MICAL3: variants seen among roughly 807,000 people sequenced by gnomAD.
The protein encoded by MICAL3 is microtubule associated monooxygenase, calponin and LIM domain containing 3, also known as [F-actin]-monooxygenase MICAL3.
Under a neutral mutation model 207.4 loss-of-function variants are expected in MICAL3, and 62 were observed. The ratio of observed to expected loss-of-function variants is 0.30; its 90% CI spans 0.24 to 0.37. MICAL3 has a LOEUF of 0.37. Ranked by LOEUF, MICAL3 falls within the 10% of genes least tolerant of loss-of-function variation. The pLI, the probability that MICAL3 is intolerant of heterozygous loss-of-function variation, is 1.00. For missense variants in MICAL3, 2,368 were observed against 2,635.6 expected, an observed-to-expected ratio of 0.90 and a Z score of 2.22; for synonymous variants, 1,077 against 1,069.3, an observed-to-expected ratio of 1.01 and a Z score of -0.14.
intron 23 of MICAL3, 103 bp downstream of exon 23, chr22:17,822,843 AG>A: frequency 1.5e-6 from 1 of 663,898 alleles, no homozygotes; most frequent in Non-Finnish European, 2.6e-6. Flanking sequence ...AGAAGGAACC[AG>A]GAGGCCCAAC....
At chr22:17,945,407 A>G (rs574007169) in intron 1 of MICAL3, among the ~76,000 whole-genome samples, 52 of 152,296 alleles carry the variant, frequency 3.4e-4, no homozygotes, top group African/African-American at 1.2e-3. Flanking sequence ...CGCGCTGCCA[A>G]CATCCGCTGT....
At chr22:17,857,210 G>A (rs955496189) in intron 19 of MICAL3, among the ~76,000 whole-genome samples, 2 of 152,186 alleles carry the variant, frequency 1.3e-5, no homozygotes, top group South Asian at 2.1e-4. Context: ...GAACCAGGCC[G>A]CATAGCAGGA....
intron 20 of MICAL3, among the ~76,000 whole-genome samples, chr22:17,835,911 G>A (rs1923310427): frequency 6.6e-6 from 1 of 152,264 alleles, no homozygotes; most frequent in Non-Finnish European, 1.5e-5. Context: ...GCCAGGGGCT[G>A]CGGTGAAAGC....
At position 17,796,217 on chromosome 22, in the gene MICAL3, G is replaced by C. The variant is rs775986189; in HGVS notation, c.5651-4916C>G. On this transcript the variant is annotated intron_variant, in intron 29 of 31. Coordinates refer to ENST00000441493, the MANE Select transcript of MICAL3 (RefSeq NM_015241.3). This position sits in a 1 kb window ranked among gnomAD's most constrained non-coding sequence, Gnocchi z 4.4. ...GTCTCCAACACTCGGGGGCACATCT[G>C]CTCCATCTTTCCCTCTGAAGCAGCA... Among the ~76,000 whole-genome samples the C allele has an allele frequency of 1.3e-5, 2 of 152,224 alleles. No homozygotes were observed. Among genetic ancestry groups the C allele is most frequent in the African/African-American group, 2.4e-5 (1 of 41,448 alleles).
chr22:17,823,283 G>A (rs1324338449), intron 22 of MICAL3, among the ~76,000 whole-genome samples: 2 of 152,232 alleles, frequency 1.3e-5, no homozygotes, highest in African/African-American at 4.8e-5. Context: ...AATGCTAGGG[G>A]CCAAGTGGGA....
At chr22:17,808,325 G>C (rs938289323) in intron 29 of MICAL3, among the ~76,000 whole-genome samples, 1 of 152,160 alleles carries the variant, frequency 6.6e-6, no homozygotes, top group Admixed American at 6.5e-5. Flanking sequence ...GCCTTCAGCA[G>C]ACACAGGGCC....
At chr22:17,990,540 G>C (rs1258603415) in intron 1 of MICAL3, among the ~76,000 whole-genome samples, 8 of 152,146 alleles carry the variant, frequency 5.3e-5, no homozygotes, top group Admixed American at 3.9e-4. Flanking sequence ...GCACAGATGA[G>C]GAAACTGAGT....
chr22:17,928,844 G>A (rs958287071), intron 1 of MICAL3, among the ~76,000 whole-genome samples: 1 of 152,196 alleles, frequency 6.6e-6, no homozygotes, highest in African/African-American at 2.4e-5. Context: ...ACCCAGGCTG[G>A]AGTGCAGTGT....
At chr22:17,831,132 C>G (rs899686192) in intron 21 of MICAL3, among the ~76,000 whole-genome samples, 1 of 152,130 alleles carries the variant, frequency 6.6e-6, no homozygotes, top group South Asian at 2.1e-4. Flanking sequence ...GCTCACTCCA[C>G]ATCTATCTTT....
At chr22:17,959,217 G>GT (rs1019460304) in intron 1 of MICAL3, among the ~76,000 whole-genome samples, 19 of 151,096 alleles carry the variant, frequency 1.3e-4, no homozygotes, top group Middle Eastern at 3.5e-3. Flanking sequence ...GGGTTTCACT[G>GT]TGTTAGCCAG....
chr22:17,806,405 T>C (rs762911231), intron 29 of MICAL3, among the ~76,000 whole-genome samples: 13 of 151,112 alleles, frequency 8.6e-5, no homozygotes, highest in East Asian at 3.9e-4. Context: ...GACTTGCTTG[T>C]CATGAGGAAT....
intron 19 of MICAL3, among the ~76,000 whole-genome samples, chr22:17,857,298 C>CCTGGGAGAATCT (rs1330141039): frequency 6.6e-6 from 1 of 152,152 alleles, no homozygotes; most frequent in Non-Finnish European, 1.5e-5. Flanking sequence ...CGAGATTCTC[C>CCTGGGAGAATCT]CAGGAGCGGG....
Position 17,818,922 on chromosome 22 carries a change from G to A in MICAL3, c.3739C>T (p.Pro1247Ser). ...VSPGSPQPQPPVAASTPPPSP... is the reference protein window; with the variant it reads ...VSPGSPQPQPSVAASTPPPSP... ...GGTGGGGGCGTGGAGGCCGCCACGG[G>A]TGGCTGGGGCTGCGGGCTCCCTGGT... The change falls in exon 26 of 32, where the codon CCC becomes TCC. Residue 1247 changes from proline to serine, a missense_variant. Physicochemically the swap from Pro to Ser is moderately conservative, Grantham distance 74. Coordinates refer to ENST00000441493, the MANE Select transcript of MICAL3 (RefSeq NM_015241.3). 1 of 1,574,152 alleles carries A rather than the reference G, an allele frequency of 6.4e-7. No individual in the cohort carries two copies. The highest frequency in any genetic ancestry group is 1.7e-4 in the Middle Eastern group (1 of 5,824).
rs957887593 is a variant in MICAL3, at chr22:17,871,859, G to A, written c.2406C>T (p.Ala802=). ...CACCATCCTCGATGTCGTAGGCGTAGGCCGAGAGGCGCAGGGTGGTGGCGC... is the reference window on the plus strand; with the variant it reads ...CACCATCCTCGATGTCGTAGGCGTAAGCCGAGAGGCGCAGGGTGGTGGCGC... ...EYCATTLRLS[A]YAYDIEDGKF... Residue 802 remains alanine, a synonymous_variant, in exon 17 of 32, where the codon GCC becomes GCT. Coordinates refer to ENST00000441493, the MANE Select transcript of MICAL3 (RefSeq NM_015241.3). 1.2e-6 allele frequency: 2 copies of A among 1,609,520 alleles called. No individual in the cohort carries two copies. Among genetic ancestry groups the A allele is most frequent in the East Asian group, 2.2e-5 (1 of 44,748 alleles).
At chr22:17,983,196 T>G (rs1440478969) in intron 1 of MICAL3, 1 of 152,266 alleles carries the variant, frequency 6.6e-6, no homozygotes, top group African/African-American at 2.4e-5. Flanking sequence ...CGTGGCCAAA[T>G]CTGTCTCTTC....
chr22:17,982,293 G>A (rs1257097551), intron 1 of MICAL3, among the ~76,000 whole-genome samples: 2 of 152,186 alleles, frequency 1.3e-5, no homozygotes, highest in Admixed American at 6.5e-5. Context: ...TCCCACAGCC[G>A]GGCACTGGAG....
At chr22:17,845,357 CA>C (rs1307841481) in intron 19 of MICAL3, among the ~76,000 whole-genome samples, 1 of 152,136 alleles carries the variant, frequency 6.6e-6, no homozygotes, top group Non-Finnish European at 1.5e-5. Context: ...TACTGTCTGG[CA>C]AGAATTCTAC....
At chr22:17,861,427 C>G (rs1299748603) in intron 19 of MICAL3, 4 of 985,354 alleles carry the variant, frequency 4.1e-6, no homozygotes, top group Non-Finnish European at 4.8e-6. Flanking sequence ...CGGTAATGAA[C>G]CCGGTGATGA....
At chr22:17,877,274 G>A (rs1339255345) in intron 16 of MICAL3, among the ~76,000 whole-genome samples, 4 of 124,244 alleles carry the variant, frequency 3.2e-5, no homozygotes, top group Non-Finnish European at 5.0e-5. Context: ...AAGTTATGGA[G>A]GTTAGGGAGG....
Sources: gnomAD v4.1 joint callset for allele counts (sites outside exome capture counted in the v4.1 genomes callset) on GRCh38, gnomAD v4.1.1 for gene constraint, Gnocchi (gnomAD v3.1) non-coding constraint, MANE v1.5 for transcripts, NCBI Gene and HGNC (gene_info 2026-07-23, HGNC 2026-07-21) for gene names.